The following IGFN1 variants were observed in gnomAD, a reference collection of about 807,000 sequenced individuals.
The protein encoded by IGFN1 is immunoglobulin like and fibronectin type III domain containing 1.
In IGFN1, 253 loss-of-function variants were observed where a neutral mutation model predicts 289.5. The observed-to-expected ratio is 0.87, with a 90% CI of 0.79 to 0.97. The LOEUF (loss-of-function observed/expected upper bound fraction) is 0.97, where lower values mean the gene tolerates loss of function less well. Ranked by LOEUF, IGFN1 falls within the 50% of genes least tolerant of loss-of-function variation. The pLI, the probability that IGFN1 is intolerant of heterozygous loss-of-function variation, is 0.00. For synonymous variants in IGFN1, 1,706 were observed against 1,788.5 expected, an observed-to-expected ratio of 0.95 and a Z score of 1.16; for missense variants, 4,470 against 4,686.1, an observed-to-expected ratio of 0.95 and a Z score of 1.35.
At position 201,207,775 on chromosome 1, in the gene IGFN1, A is replaced by T. The variant is rs773513144; in HGVS notation, c.2882A>T (p.Tyr961Phe). Residue 961 changes from tyrosine (Y) to phenylalanine (F), a missense_variant, in exon 12 of 24, where the codon TAT becomes TTT. Around this residue, in one of 8 missense-constraint regions of IGFN1, gnomAD observed 2,011 missense variants for 1,953.4 expected, o/e 1.03. Transcript: ENST00000335211. ...TCTAGGTACGAGGGTGGCTTAGGAT[A>T]TTCTAGGGAAATAAGCTCTAAAAGC... is the stretch of plus-strand genomic sequence containing the variant. ...MESRYEGGLG[Y>F]SREISSKSGA... is the part of the protein sequence containing the mutation. 1 of 1,536,484 alleles carries T rather than the reference A, an allele frequency of 6.5e-7. No individual in the cohort carries two copies. The highest frequency in any genetic ancestry group is 1.2e-5 in the South Asian group (1 of 83,992).
Position 201,228,453 on chromosome 1 carries a change from T to A in IGFN1, c.*54T>A. ...CCCTTGAAGCTTCACTTCCGACACC[T>A]GCACTGGCCCGGGAAGCCAATCCCA... is the stretch of plus-strand genomic sequence containing the variant. On this transcript the variant is annotated 3_prime_UTR_variant, in exon 24 of 24. Coordinates refer to ENST00000335211, the MANE Select transcript of IGFN1 (RefSeq NM_001164586.2). The A allele has an allele frequency of 6.3e-7, 1 of 1,589,044 alleles. No individual in the cohort carries two copies. Among genetic ancestry groups the A allele is most frequent in the Non-Finnish European group, 8.6e-7 (1 of 1,157,146 alleles).
rs905475490 is a variant in IGFN1 at position 201,207,963 on chromosome 1, G to A, written c.3070G>A (p.Glu1024Lys). 1.3e-6 allele frequency: 2 copies of A among 1,536,908 alleles called. No homozygotes were observed. The highest frequency in any genetic ancestry group is 1.7e-6 in the Non-Finnish European group (2 of 1,146,836). The change falls in exon 12 of 24, where the codon GAA (glutamate) becomes AAA (lysine). Residue 1024 changes from glutamate to lysine, a missense_variant. Transcript: ENST00000335211. Reference protein sequence around the residue: ...GAPGGVWSGNEDSGPAGGGSG... With the variant: ...GAPGGVWSGNKDSGPAGGGSG... ...GCCTGGGGGAGTGTGGTCTGGAAAT[G>A]AAGATTCTGGCCCTGCAGGAGGAGG...
At chr1:201,194,041 C>A (rs377733054) in intron 2 of IGFN1, 113 bp from the exon 3 acceptor site, 13 of 1,250,126 alleles carry the variant, frequency 1.0e-5, no homozygotes, top group African/African-American at 1.5e-5. Context: ...AAAGTAGGAG[C>A]GAGAAGGGGC....
chr1:201,213,044 T>A lies in IGFN1; in HGVS notation c.8151T>A (p.Asn2717Lys). The A allele has an allele frequency of 6.4e-7, 1 of 1,551,574 alleles. No individual in the cohort carries two copies. Among genetic ancestry groups the A allele is most frequent in the Non-Finnish European group, 8.7e-7 (1 of 1,146,946 alleles). The change falls in exon 12 of 24, where the codon AAT becomes AAA. Residue 2717 changes from asparagine (N) to lysine (K), a missense_variant. By Grantham distance (94) the Asn-to-Lys change is moderately conservative. Coordinates refer to ENST00000335211, the MANE Select transcript of IGFN1 (RefSeq NM_001164586.2). ...ACTCAGGTATCCTGGGCAAGGGGAA[T>A]TCTACTGAGTGGGGGAATGCCCTCA... ...AEDSGILGKG[N>K]STEWGNALTP...
Position 201,226,053 on chromosome 1 carries a change from G to T in IGFN1, c.10716G>T (p.Val3572=), listed in dbSNP as rs377163692. The T allele has an allele frequency of 1.2e-4, 200 of 1,600,808 alleles. 1 individual carries two copies. The highest frequency in any genetic ancestry group is 1.5e-4 in the Non-Finnish European group (178 of 1,171,704). Residue 3572 remains valine, a synonymous_variant, in exon 22 of 24, where the codon GTG becomes GTT. Transcript: ENST00000335211. ...GCCACGAATACCACTTCAGGGTGGTGGCCAAGAATGAGCTGGGGGCCAGCA... is the reference window on the plus strand; with the variant it reads ...GCCACGAATACCACTTCAGGGTGGTTGCCAAGAATGAGCTGGGGGCCAGCA... ...LPGHEYHFRV[V]AKNELGASKP...
At position 201,207,401 on chromosome 1, in the gene IGFN1, C is replaced by T. The variant is rs769362153; in HGVS notation, c.2508C>T (p.Gly836=). The T allele has an allele frequency of 1.7e-5, 26 of 1,535,108 alleles. No homozygotes were observed. In the South Asian group the frequency reaches 2.9e-4, roughly 17 times the overall value. ...AGGIGRIESK[G]TSPWDDTPSS... ...GTATTGGCAGAATAGAATCTAAGGG[C>T]ACAAGTCCTTGGGATGACACACCAT... Residue 836 remains glycine (G), a synonymous_variant, in exon 12 of 24, where the codon GGC becomes GGT. Coordinates refer to ENST00000335211, the MANE Select transcript of IGFN1 (RefSeq NM_001164586.2).
intron 10 of IGFN1, among the ~76,000 whole-genome samples, chr1:201,204,827 C>G (rs1428759030): frequency 6.6e-6 from 1 of 152,124 alleles, no homozygotes; most frequent in African/African-American, 2.4e-5. Context: ...CCACCTTGTC[C>G]CTAAATATAA....
intron 13 of IGFN1, among the ~76,000 whole-genome samples, chr1:201,214,648 C>T (rs1012087036): frequency 1.3e-5 from 2 of 152,090 alleles, no homozygotes; most frequent in Non-Finnish European, 2.9e-5. Context: ...CTGCACAATC[C>T]TCTGTCCTCC....
Position 201,208,139 on chromosome 1 carries a change from G to A in IGFN1, c.3246G>A (p.Val1082=). The A allele has an allele frequency of 6.5e-7, 1 of 1,537,006 alleles. No individual in the cohort carries two copies. The highest frequency in any genetic ancestry group is 1.4e-5 in the African/African-American group (1 of 73,140). Residue 1082 remains valine (V), a synonymous_variant, in exon 12 of 24, where the codon GTG becomes GTA. Coordinates refer to ENST00000335211, the MANE Select transcript of IGFN1 (RefSeq NM_001164586.2). The stretch of plus-strand genomic sequence containing the variant: ...ATGGTGGCCTAGGGAGTCCTGGGGT[G>A]ACAGGGTCTGCGGGTAGAGGTGGTC... ...HSDGGLGSPG[V]TGSAGRGGLK...
rs1238114124 is a variant in IGFN1, at chr1:201,212,696, C to A, written c.7803C>A (p.Ser2601Arg). 1.6e-5 allele frequency: 24 copies of A among 1,548,000 alleles called. No individual in the cohort carries two copies. The highest frequency in any genetic ancestry group is 2.0e-5 in the Non-Finnish European group (23 of 1,145,052). ...TGGGGACAGGTCAGGATCTGGACAG[C>A]GGCTCTATGCCTGGGGGAAGGGGCA... ...SSVGTGQDLD[S>R]GSMPGGRGKS... The change falls in exon 12 of 24, where the codon AGC becomes AGA. Residue 2601 changes from serine (S) to arginine (R), a missense_variant. By Grantham distance (110) the Ser-to-Arg change is moderately radical. This residue lies in a region of IGFN1 where 2,218 missense variants were observed against 2,114.1 expected (regional missense o/e 1.05). Coordinates refer to ENST00000335211, the MANE Select transcript of IGFN1 (RefSeq NM_001164586.2).
chr1:201,208,606 G>C lies in IGFN1; in HGVS notation c.3713G>C (p.Gly1238Ala), dbSNP rs1667550927. 6 of 1,507,542 alleles carry C rather than the reference G, an allele frequency of 4.0e-6. No individual in the cohort carries two copies. The South Asian group carries it at 6.4e-5, about 16-fold the overall frequency. 93.4% of individuals were successfully genotyped at this position (1,507,542 alleles called of 1,614,324 possible). The stretch of plus-strand genomic sequence containing the variant: ...ACAGCCTATGGAGAAAGGTCAAGGG[G>C]CCTTGGGCCTAGGAGTACAGGGCCA... ...VRTAYGERSR[G>A]LGPRSTGPGG... The change falls in exon 12 of 24, where the codon GGC (glycine) becomes GCC (alanine). Residue 1238 changes from glycine to alanine, a missense_variant. Transcript: ENST00000335211.
intron 9 of IGFN1, among the ~76,000 whole-genome samples, chr1:201,202,593 C>T (rs116760525): frequency 6.6e-6 from 1 of 152,266 alleles, no homozygotes; most frequent in East Asian, 1.9e-4. Flanking sequence ...TTGGCCACTC[C>T]GTGTGATTCC....
chr1:201,191,037 T>G (rs1666636227), intron 1 of IGFN1, 130 bp downstream of exon 1: 1 of 152,268 alleles, frequency 6.6e-6, no homozygotes, highest in African/African-American at 2.4e-5. Flanking sequence ...CTGGGGAACA[T>G]TCCCTGGCTG....
intron 18 of IGFN1, among the ~76,000 whole-genome samples, chr1:201,219,128 G>GC (rs1212077757): frequency 6.6e-6 from 1 of 151,682 alleles, no homozygotes; most frequent in Non-Finnish European, 1.5e-5. Flanking sequence ...AGGCAGGCCA[G>GC]CCCCCAAGCT....
chr1:201,207,484 G>T lies in IGFN1; in HGVS notation c.2591G>T (p.Gly864Val). ...HGPGVLGPSG[G>V]QEGMGGIWVA... ...CCTGGAGTGCTGGGGCCCAGTGGAG[G>T]ACAAGAGGGTATGGGTGGTATCTGG... Residue 864 changes from glycine (G) to valine (V), a missense_variant, in exon 12 of 24, where the codon GGA becomes GTA. This residue lies in a region of IGFN1 where 2,011 missense variants were observed against 1,953.4 expected (regional missense o/e 1.03). Transcript: ENST00000335211. The T allele has an allele frequency of 6.5e-7, 1 of 1,533,118 alleles. No homozygotes were observed. Among genetic ancestry groups the T allele is most frequent in the Non-Finnish European group, 8.7e-7 (1 of 1,144,760 alleles). 95.0% of individuals were successfully genotyped at this position (1,533,118 alleles called of 1,614,324 possible).
At chr1:201,216,172 C>A (rs1310762798) in intron 15 of IGFN1, 5 of 604,064 alleles carry the variant, frequency 8.3e-6, no homozygotes, top group Non-Finnish European at 1.5e-5. Flanking sequence ...CGAGCAGGTG[C>A]CCATACCAGC....
chr1:201,221,725 G>A lies in IGFN1; in HGVS notation c.10180G>A (p.Val3394Met), dbSNP rs765842972. ...QSQPSALDTL[V>M]QAMPVTVCPK... ...CCAGCCCAGTGCCCTGGACACATTA[G>A]TGCAAGCCATGCCTGTTACTGGTGA... The change falls in exon 19 of 24, where the codon GTG becomes ATG. Residue 3394 changes from valine (V) to methionine (M), a missense_variant. Around this residue, in one of 8 missense-constraint regions of IGFN1, gnomAD observed 2,218 missense variants for 2,114.1 expected, o/e 1.05. Transcript: ENST00000335211. 6 of 1,598,034 alleles carry A rather than the reference G, an allele frequency of 3.8e-6. No individual in the cohort carries two copies. The highest frequency in any genetic ancestry group is 3.4e-6 in the Non-Finnish European group (4 of 1,170,236).
rs1654270823 is a variant in IGFN1 at position 201,228,616 on chromosome 1, G to C, written c.*217G>C. 2 of 611,308 alleles carry C rather than the reference G, an allele frequency of 3.3e-6. No homozygotes were observed. Among genetic ancestry groups the C allele is most frequent in the East Asian group, 5.5e-5 (2 of 36,052 alleles). The allele number at this position is 611,308 out of a possible 1,614,324, so 37.9% of individuals were successfully genotyped here. ...ATTCCACCTCCTGGCTCCAAGCTAA[G>C]TCACTCAACAGAATGACAGCGAACC... On this transcript the variant is annotated 3_prime_UTR_variant, in exon 24 of 24. Transcript: ENST00000335211.
chr1:201,209,495 G>A lies in IGFN1; in HGVS notation c.4602G>A (p.Leu1534=). The change falls in exon 12 of 24, where the codon TTG becomes TTA. Residue 1534 remains leucine, a synonymous_variant. Coordinates refer to ENST00000335211, the MANE Select transcript of IGFN1 (RefSeq NM_001164586.2). The part of the protein sequence containing the change: ...SVDKAGYRKD[L]GASEAIGSGS... ...ATAAGGCAGGCTATAGGAAGGATTT[G>A]GGGGCTTCTGAGGCAATAGGTTCAG... 6.5e-7 allele frequency: 1 copy of A among 1,536,940 alleles called. No individual in the cohort carries two copies. Among genetic ancestry groups the A allele is most frequent in the Non-Finnish European group, 8.7e-7 (1 of 1,146,758 alleles).
Sources: allele counts gnomAD v4.1 joint callset (sites outside exome capture counted in the v4.1 genomes callset), GRCh38; gene constraint gnomAD v4.1.1; regional missense constraint gnomAD v4.1.1; transcripts MANE v1.5; gene names NCBI Gene and HGNC (gene_info 2026-07-23, HGNC 2026-07-21).